Variants in CAPZB observed in about 807,000 individuals in gnomAD.
The protein encoded by CAPZB is capping actin protein of muscle Z-line subunit beta, also known as F-actin-capping protein subunit beta.
CAPZB carries 2 observed loss-of-function variants against 38.1 expected under a neutral mutation model. The observed-to-expected ratio is 0.05, with a 90% CI of 0.02 to 0.17. The LOEUF (loss-of-function observed/expected upper bound fraction) is 0.17, where lower values mean the gene tolerates loss of function less well. CAPZB is among the 10% of genes least tolerant of loss of function. CAPZB has a pLI of 1.00. For missense variants in CAPZB, 161 were observed against 334.2 expected (o/e 0.48, Z 4.04); for synonymous variants, 107 against 127.4 (o/e 0.84, Z 1.08).
intron 1 of CAPZB, among the ~76,000 whole-genome samples, chr1:19,485,125 G>A (rs979955886): frequency 1.3e-5 from 2 of 152,186 alleles, no homozygotes; most frequent in African/African-American, 4.8e-5. Context: ...GCCTGGCTGG[G>A]GACACGGTTC....
intron 1 of CAPZB, among the ~76,000 whole-genome samples, chr1:19,476,753 A>G (rs12067162): frequency 0.031 from 4,763 of 152,336 alleles, 277 homozygotes; most frequent in African/African-American, 0.11. Context: ...TGCAGTTCAC[A>G]AAGTTCCATC....
At chr1:19,412,676 C>T (rs1178530135) in intron 2 of CAPZB, among the ~76,000 whole-genome samples, 2 of 152,184 alleles carry the variant, frequency 1.3e-5, no homozygotes, top group African/African-American at 2.4e-5. Context: ...TGTGTATTTG[C>T]TCTTCTTTCT....
intron 4 of CAPZB, among the ~76,000 whole-genome samples, chr1:19,373,771 A>G (rs1206722513): frequency 6.6e-6 from 1 of 151,802 alleles, no homozygotes; most frequent in Non-Finnish European, 1.5e-5. Flanking sequence ...AGCTCACTGT[A>G]ACCTTGAACT....
intron 4 of CAPZB, among the ~76,000 whole-genome samples, chr1:19,369,709 T>C (rs1043557073): frequency 6.6e-6 from 1 of 152,170 alleles, no homozygotes; most frequent in Non-Finnish European, 1.5e-5. Context: ...AGGTCCTACC[T>C]CTAGGCAAGG....
intron 1 of CAPZB, among the ~76,000 whole-genome samples, chr1:19,474,706 A>G (rs1406371372): frequency 6.6e-6 from 1 of 152,120 alleles, no homozygotes; most frequent in Non-Finnish European, 1.5e-5. Context: ...AGAGGAGAAA[A>G]TGGACCAGAA....
In CAPZB at chr1:19,408,791, AGCCCAGGT is replaced by A. The variant is rs2094344681; in HGVS notation, c.93+10862_93+10869del. ...AAATTAGTGGCAGACTCAAAGCCACAGCCCAGGTCTCCTGACTTCCAGTAAGATTTGCC... is the reference window on the plus strand; with the variant it reads ...AAATTAGTGGCAGACTCAAAGCCACACTCCTGACTTCCAGTAAGATTTGCC... On this transcript the variant is annotated intron_variant, in intron 2 of 8. Coordinates refer to ENST00000264202, the MANE Select transcript of CAPZB (RefSeq NM_004930.5). Among the ~76,000 whole-genome samples, 5 of 152,258 alleles carry A rather than the reference AGCCCAGGT, an allele frequency of 3.3e-5. No homozygotes were observed. The South Asian group carries it at 1.0e-3, about 31-fold the overall frequency.
Position 19,485,507 on chromosome 1 carries a change from C to A in CAPZB, c.-69G>T. ...CTCCCCCCCGCAGCAGGGCCCGGCG[C>A]TTCCACTTCCCCGGGTGCCCAGGAG... On this transcript the variant is annotated 5_prime_UTR_variant, in exon 1 of 9. Transcript: ENST00000264202. 1.7e-6 allele frequency: 2 copies of A among 1,210,392 alleles called. No homozygotes were observed. The highest frequency in any genetic ancestry group is 1.0e-6 in the Non-Finnish European group (1 of 969,724). The allele number at this position is 1,210,392 out of a possible 1,614,324, so 75.0% of individuals were successfully genotyped here.
At chr1:19,354,904 C>T (rs561937462) in intron 6 of CAPZB, among the ~76,000 whole-genome samples, 1 of 152,292 alleles carries the variant, frequency 6.6e-6, no homozygotes, top group South Asian at 2.1e-4. Flanking sequence ...CTGTTCCTCC[C>T]TAGCCAATGG....
rs1273187755 is a variant in CAPZB, at chr1:19,366,054, A to ATG, written c.330-8492_330-8491insCA. 3.1e-5 allele frequency among the ~76,000 whole-genome samples: 4 copies of ATG among 129,490 alleles called. No individual in the cohort carries two copies. In the East Asian group the frequency reaches 8.9e-4, roughly 29 times the overall value. 85.0% of individuals were successfully genotyped at this position (129,490 alleles called of 152,430 possible). A position where few individuals can be genotyped will look rare whatever the true frequency, so the allele number is the denominator to read the frequency against. On this transcript the variant is annotated intron_variant, in intron 4 of 8. Coordinates refer to ENST00000264202, the MANE Select transcript of CAPZB (RefSeq NM_004930.5). ...AAACAGCTCCAACATGTAAGATTCCACGAGTCTTTCTTCTCCTACCCTATG... is the reference window on the plus strand; with the variant it reads ...AAACAGCTCCAACATGTAAGATTCCATGCGAGTCTTTCTTCTCCTACCCTATG...
chr1:19,394,706 ACT>A (rs1417686428), intron 2 of CAPZB, among the ~76,000 whole-genome samples: 3 of 152,122 alleles, frequency 2.0e-5, no homozygotes, highest in Admixed American at 6.5e-5. Context: ...ACAGAGCAAG[ACT>A]CTGTCTCAAA....
chr1:19,372,271 C>T (rs1570010747), intron 4 of CAPZB, among the ~76,000 whole-genome samples: 1 of 152,226 alleles, frequency 6.6e-6, no homozygotes, highest in East Asian at 1.9e-4. Flanking sequence ...CAATAAATTG[C>T]AACCGCATGT....
chr1:19,435,869 A>G (rs1381000775), intron 1 of CAPZB, among the ~76,000 whole-genome samples: 1 of 152,212 alleles, frequency 6.6e-6, no homozygotes, highest in East Asian at 1.9e-4. Flanking sequence ...CTCCAAAAGA[A>G]GAGGAGCGGG....
At chr1:19,452,148 T>C (rs770992619) in intron 1 of CAPZB, among the ~76,000 whole-genome samples, 44 of 151,812 alleles carry the variant, frequency 2.9e-4, no homozygotes, top group Middle Eastern at 3.4e-3. Flanking sequence ...CATCCCTCCA[T>C]CCCTCTCCAT....
chr1:19,433,244 G>A (rs1274716840), intron 1 of CAPZB, among the ~76,000 whole-genome samples: 4 of 152,188 alleles, frequency 2.6e-5, no homozygotes, highest in African/African-American at 7.2e-5. Context: ...AAGGGATGCC[G>A]TACATGTTGT....
chr1:19,435,325 T>G (rs1231940967), intron 1 of CAPZB, among the ~76,000 whole-genome samples: 1 of 152,098 alleles, frequency 6.6e-6, no homozygotes, highest in Non-Finnish European at 1.5e-5. Context: ...GAAAGCTGGC[T>G]GAGGAAGGAG....
At position 19,378,589 on chromosome 1, in the gene CAPZB, T is replaced by G. The variant is rs1042802256; in HGVS notation, c.280A>C (p.Arg94=). The change falls in exon 4 of 9, where the codon AGA becomes CGA. Residue 94 remains arginine, a synonymous_variant. Coordinates refer to ENST00000264202, the MANE Select transcript of CAPZB (RefSeq NM_004930.5). ...EDGAMPSARL[R]KLEVEANNAF... is the part of the protein sequence containing the mutation. The stretch of plus-strand genomic sequence containing the variant: ...TTGTTGGCTTCCACCTCCAGCTTTC[T>G]CAGCCGAGCTGACGGCATGGCCCCA... 6.2e-7 allele frequency: 1 copy of G among 1,613,808 alleles called. No homozygotes were observed. Among genetic ancestry groups the G allele is most frequent in the Non-Finnish European group, 8.5e-7 (1 of 1,179,672 alleles).
At chr1:19,441,463 G>A (rs1234607048) in intron 1 of CAPZB, among the ~76,000 whole-genome samples, 5 of 152,136 alleles carry the variant, frequency 3.3e-5, no homozygotes, top group African/African-American at 1.2e-4. Flanking sequence ...AAACCTTGTT[G>A]GCCTCAGGGG....
chr1:19,453,265 T>G (rs2094522525), intron 1 of CAPZB, among the ~76,000 whole-genome samples: 1 of 152,124 alleles, frequency 6.6e-6, no homozygotes, highest in Admixed American at 6.5e-5. Flanking sequence ...TTCTATTTTT[T>G]TGTTTTGTTT....
At chr1:19,471,688 C>T (rs1420463165) in intron 1 of CAPZB, among the ~76,000 whole-genome samples, 3 of 152,008 alleles carry the variant, frequency 2.0e-5, no homozygotes, top group Non-Finnish European at 4.4e-5. Context: ...CACGGTGAAA[C>T]CCCGTCTCTA....
Sources: allele counts gnomAD v4.1 joint callset (sites outside exome capture counted in the v4.1 genomes callset), GRCh38; gene constraint gnomAD v4.1.1; transcripts MANE v1.5; gene names NCBI Gene and HGNC (gene_info 2026-07-23, HGNC 2026-07-21).